NEMP2: variants seen among roughly 807,000 people sequenced by gnomAD.
The protein encoded by NEMP2 is nuclear envelope integral membrane protein 2.
In NEMP2, 53 loss-of-function variants were observed where a neutral mutation model predicts 54.2. The observed-to-expected ratio is 0.98, with a 90% confidence interval of 0.78 to 1.23. The LOEUF (loss-of-function observed/expected upper bound fraction) is 1.23, where lower values mean the gene tolerates loss of function less well. NEMP2 is among the 50% of genes most tolerant of loss of function. The probability of loss-of-function intolerance (pLI) is 0.00; values close to 1 mark genes in which losing one functional copy is unlikely to be tolerated. For synonymous variants in NEMP2, 197 were observed against 190.3 expected (o/e 1.04, Z -0.29); for missense variants, 455 against 511.3 (o/e 0.89, Z 1.06).
the NEMP2 span, chr2:190,489,825 T>A: frequency 2.5e-6 from 4 of 1,614,212 alleles, no homozygotes; most frequent in Non-Finnish European, 3.4e-6. This position sits in a 1 kb window ranked among gnomAD's most constrained non-coding sequence, Gnocchi z 6.6. Flanking sequence ...CTACTGCTCT[T>A]TGCCCTGATC....
chr2:190,621,934 C>A, the NEMP2 span, among the ~76,000 whole-genome samples: 1 of 152,052 alleles, frequency 6.6e-6, no homozygotes. Context: ...CATGGTGAAA[C>A]CCCGTCTCTA....
At chr2:190,445,109 T>C in the NEMP2 span, among the ~76,000 whole-genome samples, 4 of 152,180 alleles carry the variant, frequency 2.6e-5, no homozygotes, top group Non-Finnish European at 4.4e-5. Context: ...TTGTGCTCCT[T>C]ATTTAACTGG....
the NEMP2 span, among the ~76,000 whole-genome samples, chr2:190,579,906 A>G: frequency 6.6e-6 from 1 of 152,210 alleles, no homozygotes; most frequent in Non-Finnish European, 1.5e-5. Context: ...ATGTTTGTTG[A>G]CCACCCAGTT....
At chr2:190,492,169 C>A in the NEMP2 span, among the ~76,000 whole-genome samples, 6 of 152,052 alleles carry the variant, frequency 3.9e-5, no homozygotes, top group African/African-American at 1.2e-4. The surrounding 1 kb of genome is among the most constrained non-coding windows in gnomAD (Gnocchi z 5.2). Flanking sequence ...GTTAAATAAA[C>A]AAACCTAAGA....
At chr2:190,435,834 T>C in the NEMP2 span, 1 of 709,372 alleles carries the variant, frequency 1.4e-6, no homozygotes. Context: ...CGGTATTGTG[T>C]GGCTGCAAGT....
the NEMP2 span, among the ~76,000 whole-genome samples, chr2:190,567,353 G>C: frequency 6.7e-6 from 1 of 148,256 alleles, no homozygotes; most frequent in African/African-American, 2.5e-5. This position sits in a 1 kb window ranked among gnomAD's most constrained non-coding sequence, Gnocchi z 4.0. Flanking sequence ...AGAAAGAGAA[G>C]AAATGGAGGA....
chr2:190,593,254 A>G, the NEMP2 span, among the ~76,000 whole-genome samples: 2 of 152,214 alleles, frequency 1.3e-5, no homozygotes, highest in Non-Finnish European at 2.9e-5. The surrounding 1 kb of genome is among the most constrained non-coding windows in gnomAD (Gnocchi z 4.5). Flanking sequence ...TACTTAGTGT[A>G]CATAAGAAGT....
the NEMP2 span, among the ~76,000 whole-genome samples, chr2:190,471,905 G>A: frequency 3.9e-5 from 6 of 152,154 alleles, no homozygotes; most frequent in African/African-American, 7.2e-5. This position sits in a 1 kb window ranked among gnomAD's most constrained non-coding sequence, Gnocchi z 4.7. Flanking sequence ...CCAGAGGAAC[G>A]ATCAGGCAGC....
At chr2:190,517,499 A>G in intron 5 of NEMP2, 21 bp downstream of exon 5, 1 of 1,502,808 alleles carries the variant, frequency 6.7e-7, no homozygotes, top group Non-Finnish European at 9.0e-7. Context: ...TTTTTTACTC[A>G]TTTTCACATA....
chr2:190,590,106 T>C, the NEMP2 span, among the ~76,000 whole-genome samples: 2 of 152,206 alleles, frequency 1.3e-5, no homozygotes, highest in Admixed American at 6.5e-5. The surrounding 1 kb of genome is among the most constrained non-coding windows in gnomAD (Gnocchi z 5.1). Context: ...CTGATGCAGA[T>C]GCTATGACTG....
At chr2:190,630,963 G>A in the NEMP2 span, among the ~76,000 whole-genome samples, 1 of 151,044 alleles carries the variant, frequency 6.6e-6, no homozygotes. This position sits in a 1 kb window ranked among gnomAD's most constrained non-coding sequence, Gnocchi z 5.5. Flanking sequence ...AGGAGTTTGG[G>A]ACCAGCCTGG....
At chr2:190,445,271 G>A in the NEMP2 span, among the ~76,000 whole-genome samples, 1 of 152,126 alleles carries the variant, frequency 6.6e-6, no homozygotes, top group Non-Finnish European at 1.5e-5. Context: ...AGAAGCAGTC[G>A]GAGATGCTGT....
At chr2:190,497,721 TAC>T in the NEMP2 span, 1 of 1,609,152 alleles carries the variant, frequency 6.2e-7, no homozygotes. The surrounding 1 kb of genome is among the most constrained non-coding windows in gnomAD (Gnocchi z 5.2). Flanking sequence ...CCTTTACAGG[TAC>T]AGTTCCTTTG....
chr2:190,554,424 A>T, the NEMP2 span, among the ~76,000 whole-genome samples: 1 of 152,226 alleles, frequency 6.6e-6, no homozygotes, highest in Non-Finnish European at 1.5e-5. This position sits in a 1 kb window ranked among gnomAD's most constrained non-coding sequence, Gnocchi z 5.7. Context: ...TCTTGCTGCC[A>T]GCACAGCAGT....
chr2:190,571,811 C>T, the NEMP2 span, among the ~76,000 whole-genome samples: 949 of 152,112 alleles, frequency 6.2e-3, 13 homozygotes, highest in African/African-American at 0.022. Flanking sequence ...TCCCCTTCTC[C>T]CACTTCTTCC....
chr2:190,598,707 T>G, the NEMP2 span, among the ~76,000 whole-genome samples: 1 of 152,220 alleles, frequency 6.6e-6, no homozygotes, highest in African/African-American at 2.4e-5. Context: ...CATTTTAAAT[T>G]GGAATGTAAT....
chr2:190,473,453 C>A, the NEMP2 span, among the ~76,000 whole-genome samples: 6 of 152,060 alleles, frequency 3.9e-5, no homozygotes, highest in African/African-American at 1.2e-4. Context: ...TCTGATAAAA[C>A]AAACATCAGA....
the NEMP2 span, chr2:190,609,991 G>A: frequency 6.6e-6 from 1 of 152,156 alleles, no homozygotes; most frequent in Admixed American, 6.5e-5. The surrounding 1 kb of genome is among the most constrained non-coding windows in gnomAD (Gnocchi z 4.7). Context: ...CACAGCTCAG[G>A]TTTCAGTGAT....
Position 190,534,596 on chromosome 2 carries a change from C to CAGTG in NEMP2, c.56_59dup (p.Pro21ThrfsTer16), listed in dbSNP as rs1166985102. On this transcript the variant is annotated frameshift_variant, in exon 1 of 9. Transcript: ENST00000409150. LOFTEE classifies it high-confidence loss of function. The stretch of plus-strand genomic sequence containing the variant: ...CCGCCGCCGCCTCCCCGCGCACGGG[C>CAGTG]AGTGTGGCCAGGGGCGGCAGCCAGA... 2.9e-6 allele frequency: 4 copies of CAGTG among 1,394,604 alleles called. No homozygotes were observed. The African/African-American group carries it at 6.1e-5, about 21-fold the overall frequency. The allele number at this position is 1,394,604 out of a possible 1,614,324, so 86.4% of individuals were successfully genotyped here.
Sources: gnomAD v4.1 joint callset for allele counts (sites outside exome capture counted in the v4.1 genomes callset) on GRCh38, gnomAD v4.1.1 for gene constraint, Gnocchi (gnomAD v3.1) non-coding constraint, MANE v1.5 for transcripts, NCBI Gene and HGNC (gene_info 2026-07-23, HGNC 2026-07-21) for gene names.